Variants in OSBPL8 observed in about 807,000 individuals in gnomAD.
The protein encoded by OSBPL8 is oxysterol binding protein like 8.
In OSBPL8, 59 loss-of-function variants were observed where a neutral mutation model predicts 125.5. That is an observed-to-expected ratio of 0.47 (90% CI 0.38 to 0.58). The LOEUF (loss-of-function observed/expected upper bound fraction) is 0.58. Ranked by LOEUF, OSBPL8 falls within the 20% of genes least tolerant of loss-of-function variation. The pLI is 0.00. For synonymous variants in OSBPL8, 330 were observed against 338.9 expected, an observed-to-expected ratio of 0.97 and a Z score of 0.29; for missense variants, 758 against 1,047.8, an observed-to-expected ratio of 0.72 and a Z score of 3.82.
intron 5 of OSBPL8, among the ~76,000 whole-genome samples, chr12:76,403,306 T>C (rs1954127413): frequency 6.6e-6 from 1 of 152,210 alleles, no homozygotes. Context: ...ATCGAGTGAG[T>C]AGGATTTCCT....
intron 1 of OSBPL8, among the ~76,000 whole-genome samples, chr12:76,521,855 G>A (rs75892722): frequency 7.9e-5 from 12 of 152,248 alleles, no homozygotes; most frequent in African/African-American, 2.9e-4. Flanking sequence ...AAGACGAAGA[G>A]TTCTGGAAAT....
intron 4 of OSBPL8, among the ~76,000 whole-genome samples, chr12:76,425,811 T>C (rs181637600): frequency 6.6e-6 from 1 of 152,342 alleles, no homozygotes; most frequent in East Asian, 1.9e-4. Flanking sequence ...CCTGGTCATA[T>C]TCCTGCCAGG....
intron 9 of OSBPL8, 44 bp downstream of exon 9, chr12:76,394,601 T>TA (rs1187586557): frequency 2.0e-6 from 3 of 1,481,564 alleles, no homozygotes; most frequent in Non-Finnish European, 2.8e-6. Context: ...AAAAAACTCT[T>TA]AAAAATGAAG....
intron 4 of OSBPL8, among the ~76,000 whole-genome samples, chr12:76,414,996 T>C (rs1016391833): frequency 3.9e-5 from 6 of 152,194 alleles, no homozygotes; most frequent in Admixed American, 3.3e-4. Flanking sequence ...TAAAAAGATA[T>C]TGCTACTACC....
chr12:76,445,137 G>A (rs1361110273), intron 4 of OSBPL8, among the ~76,000 whole-genome samples: 1 of 152,102 alleles, frequency 6.6e-6, no homozygotes, highest in Admixed American at 6.6e-5. Flanking sequence ...GAACTGGTAT[G>A]TTGGAGGGCA....
intron 16 of OSBPL8, among the ~76,000 whole-genome samples, chr12:76,376,408 A>T (rs1952820593): frequency 6.6e-6 from 1 of 152,188 alleles, no homozygotes; most frequent in Non-Finnish European, 1.5e-5. Context: ...TTATTTTACA[A>T]AACAATTTGT....
intron 15 of OSBPL8, 142 bp downstream of exon 15, chr12:76,384,112 A>T (rs184891336): frequency 3.2e-5 from 14 of 441,686 alleles, no homozygotes; most frequent in African/African-American, 2.6e-4. Flanking sequence ...GAGTGGGCAG[A>T]AAAAAGCCAT....
Position 76,508,497 on chromosome 12 carries a change from T to C in OSBPL8, c.-67-20879A>G, listed in dbSNP as rs141071445. The stretch of plus-strand genomic sequence containing the variant: ...GAGGGACTCCATCTTGAATAGGGAC[T>C]GGGTAAAATAAGGCTGAGGCCTACT... On this transcript the variant is annotated intron_variant, in intron 1 of 23. Coordinates refer to ENST00000261183, the MANE Select transcript of OSBPL8 (RefSeq NM_020841.5). Among the ~76,000 whole-genome samples the C allele has an allele frequency of 7.9e-3, 1,201 of 152,224 alleles. 9 individuals are homozygous for C. The highest frequency in any genetic ancestry group is 0.011 in the Non-Finnish European group (734 of 68,010).
Position 76,486,101 on chromosome 12 carries a change from T to C in OSBPL8, c.42+1409A>G, listed in dbSNP as rs532133010. The C allele has an allele frequency of 1.0e-3, 411 of 402,712 alleles. 1 individual carries two copies. Among genetic ancestry groups the C allele is most frequent in the Admixed American group, 1.4e-3 (45 of 31,622 alleles). 24.9% of individuals were successfully genotyped at this position (402,712 alleles called of 1,614,324 possible). ...CATAAGCCAAGAATTTCCACACCCA[T>C]TTTCTTCTCTACTAACAATTTATTT... On this transcript the variant is annotated intron_variant, in intron 2 of 23. Coordinates refer to ENST00000261183, the MANE Select transcript of OSBPL8 (RefSeq NM_020841.5).
intron 2 of OSBPL8, among the ~76,000 whole-genome samples, chr12:76,478,365 TCA>T (rs1480896598): frequency 6.6e-6 from 1 of 152,088 alleles, no homozygotes; most frequent in Non-Finnish European, 1.5e-5. Flanking sequence ...TTTTTACCCC[TCA>T]CAGATTCTCT....
intron 1 of OSBPL8, among the ~76,000 whole-genome samples, chr12:76,535,908 G>T (rs902146694): frequency 2.0e-5 from 3 of 152,136 alleles, no homozygotes; most frequent in East Asian, 1.9e-4. Context: ...GGGCACAAGA[G>T]AATTTTGGGG....
intron 8 of OSBPL8, among the ~76,000 whole-genome samples, chr12:76,396,005 A>G (rs1246816654): frequency 6.6e-6 from 1 of 150,682 alleles, no homozygotes; most frequent in Non-Finnish European, 1.5e-5. Context: ...CTATATATAT[A>G]TATACATATA....
At chr12:76,387,929 C>T (rs530681128) in intron 12 of OSBPL8, among the ~76,000 whole-genome samples, 11 of 152,300 alleles carry the variant, frequency 7.2e-5, no homozygotes, top group Non-Finnish European at 1.5e-4. Context: ...TTCCTACTTA[C>T]CCTCTATAGG....
intron 4 of OSBPL8, among the ~76,000 whole-genome samples, chr12:76,442,551 C>G (rs1302742276): frequency 2.6e-5 from 4 of 151,912 alleles, no homozygotes; most frequent in Non-Finnish European, 5.9e-5. Context: ...TATACTATTT[C>G]TAAAGAAAAC....
intron 1 of OSBPL8, among the ~76,000 whole-genome samples, chr12:76,554,107 CCA>C (rs568960591): frequency 3.2e-4 from 49 of 151,688 alleles, no homozygotes; most frequent in African/African-American, 1.1e-3. Flanking sequence ...TCTTTAATTT[CCA>C]GTTACTCCGA....
In OSBPL8 at chr12:76,497,321, A is replaced by G. The variant is rs1182155979; in HGVS notation, c.-67-9703T>C. ...GCATGAAAGCAACCATAGAAAAATGAATAAACAAAATGAGTCTGATAAACT... is the reference window on the plus strand; with the variant it reads ...GCATGAAAGCAACCATAGAAAAATGGATAAACAAAATGAGTCTGATAAACT... On this transcript the variant is annotated intron_variant, in intron 1 of 23. Transcript: ENST00000261183. 3.9e-5 allele frequency among the ~76,000 whole-genome samples: 6 copies of G among 152,318 alleles called. No homozygotes were observed. The East Asian group carries it at 5.8e-4, about 15-fold the overall frequency.
chr12:76,483,660 C>CTTTTTTTTTTTTTTTT (rs869202382), intron 2 of OSBPL8, among the ~76,000 whole-genome samples: 2 of 57,438 alleles, frequency 3.5e-5, no homozygotes, highest in African/African-American at 8.0e-5. Flanking sequence ...CTGTAATAGT[C>CTTTTTTTTTTTTTTTT]TTTTTTTTTT....
intron 1 of OSBPL8, among the ~76,000 whole-genome samples, chr12:76,498,866 C>T (rs1350038753): frequency 6.6e-6 from 1 of 151,804 alleles, no homozygotes; most frequent in Non-Finnish European, 1.5e-5. Context: ...ACTACAGGCA[C>T]ACACCACCAT....
chr12:76,493,595 T>TA (rs1444404394), intron 1 of OSBPL8, among the ~76,000 whole-genome samples: 1 of 152,208 alleles, frequency 6.6e-6, no homozygotes, highest in Non-Finnish European at 1.5e-5. Flanking sequence ...AATTCACTGA[T>TA]AGGCTAAAGG....
Sources: allele counts gnomAD v4.1 joint callset (sites outside exome capture counted in the v4.1 genomes callset), GRCh38; gene constraint gnomAD v4.1.1; transcripts MANE v1.5; gene names NCBI Gene and HGNC (gene_info 2026-07-23, HGNC 2026-07-21).